Variants in SULF1 observed in about 807,000 individuals in gnomAD.
The protein encoded by SULF1 is sulfatase 1.
A neutral mutation model predicts 110.5 loss-of-function variants in SULF1; 46 were observed. The observed-to-expected ratio is 0.42, with a 90% CI of 0.33 to 0.53. The LOEUF is 0.53. Among genes scored for constraint, SULF1 ranks in the 20% least tolerant of loss-of-function variants. The probability of loss-of-function intolerance (pLI) is 0.12; values close to 1 mark genes in which losing one functional copy is unlikely to be tolerated. For missense variants in SULF1, 941 were observed against 1,094.2 expected, an observed-to-expected ratio of 0.86 and a Z score of 1.98; for synonymous variants, 371 against 387.1, an observed-to-expected ratio of 0.96 and a Z score of 0.49.
chr8:69,648,810 C>G (rs1812120481), intron 22 of SULF1, among the ~76,000 whole-genome samples: 1 of 152,220 alleles, frequency 6.6e-6, no homozygotes. Flanking sequence ...TGCATGATCT[C>G]TTAAATTACC....
chr8:69,618,716 G>T (rs559354127), intron 13 of SULF1, among the ~76,000 whole-genome samples: 1 of 152,340 alleles, frequency 6.6e-6, no homozygotes, highest in African/African-American at 2.4e-5. Flanking sequence ...GTAGTACCAA[G>T]AGTATAGGGG....
intron 14 of SULF1, among the ~76,000 whole-genome samples, chr8:69,623,633 GA>G (rs1291689438): frequency 6.6e-6 from 1 of 152,216 alleles, no homozygotes; most frequent in Non-Finnish European, 1.5e-5. Context: ...AGCCTGCCAT[GA>G]ATAAAAAGGA....
chr8:69,563,886 C>T, intron 4 of SULF1, 30 bp from the exon 5 acceptor site: 2 of 1,357,522 alleles, frequency 1.5e-6, no homozygotes, highest in Non-Finnish European at 1.0e-6. Context: ...ATTTTAGTCT[C>T]ACCGTCTCCG....
chr8:69,470,538 T>C (rs1009599303), intron 1 of SULF1, among the ~76,000 whole-genome samples: 9 of 152,086 alleles, frequency 5.9e-5, no homozygotes, highest in African/African-American at 2.2e-4. Context: ...GAGTCCTTCC[T>C]TTAAAATATC....
At chr8:69,540,087 C>T (rs957047499) in intron 3 of SULF1, among the ~76,000 whole-genome samples, 23 of 152,058 alleles carry the variant, frequency 1.5e-4, no homozygotes, top group African/African-American at 4.8e-4. Context: ...GAGACAGAAT[C>T]GAGAAGTATT....
chr8:69,626,654 G>T (rs182240035), intron 15 of SULF1, among the ~76,000 whole-genome samples: 1 of 152,248 alleles, frequency 6.6e-6, no homozygotes, highest in Admixed American at 6.5e-5. Flanking sequence ...GGCCCGGTGA[G>T]AAATCGAGCG....
intron 3 of SULF1, among the ~76,000 whole-genome samples, chr8:69,513,829 T>G (rs1563485087): frequency 1.3e-5 from 2 of 152,186 alleles, no homozygotes; most frequent in Admixed American, 6.5e-5. Context: ...AAGAAAAGAT[T>G]CCAACAGATG....
intron 3 of SULF1, among the ~76,000 whole-genome samples, chr8:69,507,462 G>C (rs1018232419): frequency 6.6e-6 from 1 of 152,072 alleles, no homozygotes; most frequent in Admixed American, 6.6e-5. Flanking sequence ...TAATTTGACC[G>C]CATTTATCTG....
At chr8:69,571,865 A>T (rs188005847) in intron 5 of SULF1, among the ~76,000 whole-genome samples, 1 of 152,242 alleles carries the variant, frequency 6.6e-6, no homozygotes, top group Non-Finnish European at 1.5e-5. Flanking sequence ...AAGGTGCTCG[A>T]TGCTTTCCTT....
In SULF1 at chr8:69,515,778, G is replaced by A. The variant is rs181400700; in HGVS notation, c.-134+13810G>A. ...CATATCTTGAACACTTTGCTGCTTA[G>A]AAATTTCTTCTGCCAGATATCCTAA... On this transcript the variant is annotated intron_variant, in intron 3 of 22. Transcript: ENST00000402687. Among the ~76,000 whole-genome samples, 427 of 152,284 alleles carry A rather than the reference G, an allele frequency of 2.8e-3. 1 individual carries two copies. Among genetic ancestry groups the A allele is most frequent in the Non-Finnish European group, 4.5e-3 (306 of 68,022 alleles).
intron 2 of SULF1, among the ~76,000 whole-genome samples, chr8:69,498,321 G>A (rs565368902): frequency 6.6e-6 from 1 of 152,124 alleles, no homozygotes; most frequent in Non-Finnish European, 1.5e-5. Context: ...ATTTATTATT[G>A]CTTGAGAAAA....
chr8:69,656,830 A>G (rs568865359), intron 22 of SULF1, among the ~76,000 whole-genome samples: 3 of 152,222 alleles, frequency 2.0e-5, no homozygotes, highest in Non-Finnish European at 4.4e-5. Context: ...TCCTTTGAGT[A>G]CATATCCAGT....
intron 3 of SULF1, among the ~76,000 whole-genome samples, chr8:69,514,753 G>C (rs1230679179): frequency 6.6e-6 from 1 of 152,128 alleles, no homozygotes; most frequent in African/African-American, 2.4e-5. Context: ...ACAGGTATTG[G>C]GTAAATGCTC....
At chr8:69,632,836 G>T (rs1484522154) in intron 19 of SULF1, among the ~76,000 whole-genome samples, 3 of 151,986 alleles carry the variant, frequency 2.0e-5, no homozygotes, top group Non-Finnish European at 4.4e-5. Flanking sequence ...ACCAGCCTGA[G>T]CAACATGGTG....
intron 3 of SULF1, among the ~76,000 whole-genome samples, chr8:69,551,217 C>T (rs1188611365): frequency 2.0e-5 from 3 of 152,180 alleles, no homozygotes; most frequent in African/African-American, 7.2e-5. Context: ...TGATAATTTA[C>T]CTTAAGATGG....
intron 13 of SULF1, among the ~76,000 whole-genome samples, chr8:69,616,163 T>G (rs149562239): frequency 0.047 from 6,854 of 146,920 alleles, 214 homozygotes; most frequent in Middle Eastern, 0.079. Flanking sequence ...TGTGTATATA[T>G]ACATATATAT....
chr8:69,648,558 G>T (rs1812100740), intron 22 of SULF1, among the ~76,000 whole-genome samples: 1 of 152,188 alleles, frequency 6.6e-6, no homozygotes, highest in African/African-American at 2.4e-5. Context: ...GGCTAATGAG[G>T]CAGGGAAGTA....
At chr8:69,607,972 GA>G in intron 13 of SULF1, among the ~76,000 whole-genome samples, 1 of 152,246 alleles carries the variant, frequency 6.6e-6, no homozygotes, top group Admixed American at 6.5e-5. Context: ...GGAACAAAGG[GA>G]AAATCAGCAT....
chr8:69,554,680 AAAAG>A (rs1380909687), intron 3 of SULF1, among the ~76,000 whole-genome samples: 9 of 152,188 alleles, frequency 5.9e-5, no homozygotes, highest in African/African-American at 9.6e-5. Context: ...GAAAAAGAAA[AAAAG>A]AAAGAAAGAA....
Sources: gnomAD v4.1 joint callset for allele counts (sites outside exome capture counted in the v4.1 genomes callset) on GRCh38, gnomAD v4.1.1 for gene constraint, MANE v1.5 for transcripts, NCBI Gene and HGNC (gene_info 2026-07-23, HGNC 2026-07-21) for gene names.